Variants in RBM20 observed in about 807,000 individuals in gnomAD.
RBM20 encodes the protein RNA binding motif protein 20, also known as RNA-binding protein 20.
RBM20 carries 51 observed loss-of-function variants against 110.1 expected under a neutral mutation model. The observed-to-expected ratio is 0.46, with a 90% CI of 0.37 to 0.59. The LOEUF (loss-of-function observed/expected upper bound fraction) is 0.59. Ranked by LOEUF, RBM20 falls within the 20% of genes least tolerant of loss-of-function variation. RBM20 has a pLI of 0.00. For missense variants in RBM20, 1,512 were observed against 1,574.9 expected (o/e 0.96, Z 0.68); for synonymous variants, 589 against 618.2 (o/e 0.95, Z 0.70).
rs1023519969 is a variant in RBM20 at position 110,788,283 on chromosome 10, C to T, written c.1527+3394C>T. Among the ~76,000 whole-genome samples, 4 of 152,224 alleles carry T rather than the reference C, an allele frequency of 2.6e-5. No homozygotes were observed. In the East Asian group the frequency reaches 7.7e-4, roughly 29 times the overall value. ...TGCGTTGCAGGTGACAGGGACTTCT[C>T]TGGCCTTGGCCACCCATGGAGCAAG... On this transcript the variant is annotated intron_variant, in intron 5 of 13. Coordinates refer to ENST00000369519, the MANE Select transcript of RBM20 (RefSeq NM_001134363.3).
rs562001186 is a variant in RBM20 at position 110,682,718 on chromosome 10, T to C, written c.191+38073T>C. On this transcript the variant is annotated intron_variant, in intron 1 of 13. Transcript: ENST00000369519. ...CTTAATTGCTTGCTTAAGGTGGTGT[T>C]AACTGTAAAGTTAAAAGCTGCTATT... Among the ~76,000 whole-genome samples, 28 of 152,356 alleles carry C rather than the reference T, an allele frequency of 1.8e-4. No individual in the cohort carries two copies. In the South Asian group the frequency reaches 2.9e-3, roughly 16 times the overall value.
At chr10:110,647,038 T>C in intron 1 of RBM20, among the ~76,000 whole-genome samples, 1 of 152,260 alleles carries the variant, frequency 6.6e-6, no homozygotes, top group East Asian at 1.9e-4. Flanking sequence ...ATCTTCTTCA[T>C]GTTGCATAGT....
In RBM20 at chr10:110,835,991, T is replaced by C; in HGVS notation, c.*13T>C. On this transcript the variant is annotated 3_prime_UTR_variant, in exon 14 of 14. Transcript: ENST00000369519. ...GAAAAAGCTCTGATGCTTCTGCTTC[T>C]GCTGCTACTGCTGCTGCTGCAAGGT... 1 of 929,546 alleles carries C rather than the reference T, an allele frequency of 1.1e-6. No individual in the cohort carries two copies. The highest frequency in any genetic ancestry group is 1.7e-6 in the Non-Finnish European group (1 of 600,180). The allele number at this position is 929,546 out of a possible 1,614,324, so 57.6% of individuals were successfully genotyped here.
chr10:110,792,904 G>A (rs571207033), intron 5 of RBM20, among the ~76,000 whole-genome samples: 1 of 152,322 alleles, frequency 6.6e-6, no homozygotes, highest in African/African-American at 2.4e-5. Flanking sequence ...CACAGAGAGA[G>A]AGGACAAACA....
intron 1 of RBM20, among the ~76,000 whole-genome samples, chr10:110,659,692 A>G (rs545654526): frequency 1.3e-5 from 2 of 149,642 alleles, no homozygotes; most frequent in South Asian, 4.2e-4. Context: ...GCATCTGCCT[A>G]TTTCAAGCAA....
rs1554894037 is a variant in RBM20, at chr10:110,734,618, C to CTT, written c.192-46166_192-46165dup. Among the ~76,000 whole-genome samples, 224 of 136,520 alleles carry CTT rather than the reference C, an allele frequency of 1.6e-3. 4 individuals carry two copies. Among genetic ancestry groups the CTT allele is most frequent in the African/African-American group, 5.6e-3 (207 of 36,890 alleles). The allele number at this position is 136,520 out of a possible 152,430, so 89.6% of individuals were successfully genotyped here. A position where few individuals can be genotyped will look rare whatever the true frequency, so the allele number is the denominator to read the frequency against. ...CATGGAACCAATATAAAAATTCCCT[C>CTT]TTTTTTTTTTTTTTTTTTGAGAGTG... is the stretch of plus-strand genomic sequence containing the variant. On this transcript the variant is annotated intron_variant, in intron 1 of 13. Coordinates refer to ENST00000369519, the MANE Select transcript of RBM20 (RefSeq NM_001134363.3).
intron 12 of RBM20, among the ~76,000 whole-genome samples, chr10:110,824,150 C>T (rs924929469): frequency 5.9e-5 from 9 of 152,172 alleles, no homozygotes; most frequent in Non-Finnish European, 1.0e-4. Flanking sequence ...CCTTGAATAA[C>T]AGTGCCCTGG....
intron 1 of RBM20, among the ~76,000 whole-genome samples, chr10:110,731,978 T>C (rs1843624916): frequency 6.6e-6 from 1 of 152,222 alleles, no homozygotes; most frequent in Admixed American, 6.5e-5. Context: ...ATCTTCTCCA[T>C]GTGCACCTTC....
Position 110,821,745 on chromosome 10 carries a change from A to G in RBM20, c.3126A>G (p.Thr1042=), listed in dbSNP as rs1844914569. The part of the protein sequence containing the change: ...VESSDVHPAP[T]VQQMSSPKPA... ...GCTCAGATGTTCATCCAGCCCCTAC[A>G]GTCCAGCAAATGTCTTCCCCTAAGC... Residue 1042 remains threonine, a synonymous_variant, in exon 11 of 14, where the codon ACA becomes ACG. Transcript: ENST00000369519. The G allele has an allele frequency of 1.3e-6, 2 of 1,551,800 alleles. No homozygotes were observed. The highest frequency in any genetic ancestry group is 2.0e-5 in the Admixed American group (1 of 51,012).
At chr10:110,784,296 G>T in intron 3 of RBM20, 45 bp from the exon 4 acceptor site, 1 of 1,392,886 alleles carries the variant, frequency 7.2e-7, no homozygotes, top group Non-Finnish European at 1.0e-6. Context: ...CTAATTCTTT[G>T]TTTAACTTAT....
chr10:110,684,752 A>G (rs1564815092), intron 1 of RBM20, among the ~76,000 whole-genome samples: 1 of 152,024 alleles, frequency 6.6e-6, no homozygotes, highest in Admixed American at 6.5e-5. Flanking sequence ...GGATTTTAAT[A>G]CTTTAAAAAA....
At chr10:110,751,548 T>C (rs1362693791) in intron 1 of RBM20, among the ~76,000 whole-genome samples, 3 of 152,248 alleles carry the variant, frequency 2.0e-5, no homozygotes, top group South Asian at 2.1e-4. Context: ...TTCATAATTA[T>C]GCCTCTATAA....
Position 110,821,716 on chromosome 10 carries a change from G to A in RBM20, c.3097G>A (p.Glu1033Lys), listed in dbSNP as rs1564664608. Reference sequence around the variant, plus strand: ...CTACGAGAAGGAGGCAAAGGGAGTGGAGAGCTCAGATGTTCATCCAGCCCC... The same window carrying A: ...CTACGAGAAGGAGGCAAAGGGAGTGAAGAGCTCAGATGTTCATCCAGCCCC... ...DCYEKEAKGV[E>K]SSDVHPAPTV... The change falls in exon 11 of 14, where the codon GAG becomes AAG. Residue 1033 changes from glutamate (E) to lysine (K), a missense_variant. By Grantham distance (56) the Glu-to-Lys change is moderately conservative. Coordinates refer to ENST00000369519, the MANE Select transcript of RBM20 (RefSeq NM_001134363.3). 6.4e-7 allele frequency: 1 copy of A among 1,551,756 alleles called. No individual in the cohort carries two copies. Among genetic ancestry groups the A allele is most frequent in the Non-Finnish European group, 8.7e-7 (1 of 1,147,008 alleles).
intron 9 of RBM20, among the ~76,000 whole-genome samples, chr10:110,815,146 C>T (rs1310140574): frequency 2.6e-5 from 4 of 152,194 alleles, no homozygotes; most frequent in Non-Finnish European, 5.9e-5. Context: ...AGAGACAATT[C>T]ATGTGCATCT....
intron 1 of RBM20, among the ~76,000 whole-genome samples, chr10:110,735,891 G>C (rs1452259986): frequency 1.3e-5 from 2 of 152,200 alleles, no homozygotes; most frequent in Non-Finnish European, 2.9e-5. Context: ...GGCTAGATTA[G>C]TGAACATTCA....
At chr10:110,698,354 C>T (rs1007380551) in intron 1 of RBM20, among the ~76,000 whole-genome samples, 2 of 152,204 alleles carry the variant, frequency 1.3e-5, no homozygotes, top group South Asian at 2.1e-4. Context: ...GGCAGGGGAG[C>T]ACCGGAAAAA....
Position 110,812,706 on chromosome 10 carries a change from A to C in RBM20, c.2309A>C (p.Lys770Thr). 1 of 1,551,752 alleles carries C rather than the reference A, an allele frequency of 6.4e-7. No homozygotes were observed. The highest frequency in any genetic ancestry group is 8.7e-7 in the Non-Finnish European group (1 of 1,147,002). The change falls in exon 9 of 14, where the codon AAG becomes ACG. Residue 770 changes from lysine to threonine, a missense_variant. Transcript: ENST00000369519. ...YRKEPKAKSD[K>T]YLKQQQDAPG... ...AAAGAGCCCAAAGCCAAGTCGGACA[A>C]GTATCTGAAGCAGCAGCAGGATGCC...
intron 13 of RBM20, among the ~76,000 whole-genome samples, chr10:110,834,667 CAG>C (rs1332168776): frequency 6.6e-5 from 10 of 152,230 alleles, no homozygotes; most frequent in Admixed American, 6.5e-4. Flanking sequence ...TCACAGATGT[CAG>C]AGATATTTGA....
chr10:110,780,201 G>T (rs1483299060), intron 1 of RBM20, among the ~76,000 whole-genome samples: 1 of 151,986 alleles, frequency 6.6e-6, no homozygotes, highest in South Asian at 2.1e-4. Flanking sequence ...CAATAGTAAT[G>T]GTTACTTAAT....
Sources: allele counts gnomAD v4.1 joint callset (sites outside exome capture counted in the v4.1 genomes callset), GRCh38; gene constraint gnomAD v4.1.1; transcripts MANE v1.5; gene names NCBI Gene and HGNC (gene_info 2026-07-23, HGNC 2026-07-21).